Variants in CPNE8 observed in about 807,000 individuals in gnomAD.
CPNE8 encodes copine 8.
CPNE8 carries 45 observed loss-of-function variants against 81.5 expected under a neutral mutation model. The ratio of observed to expected loss-of-function variants is 0.55; its 90% CI spans 0.44 to 0.71. CPNE8 has a LOEUF of 0.71. Among genes scored for constraint, CPNE8 ranks in the 30% least tolerant of loss-of-function variants. The pLI is 0.00. For missense variants in CPNE8, 594 were observed against 672.1 expected, an observed-to-expected ratio of 0.88 and a Z score of 1.28; for synonymous variants, 252 against 226.3, an observed-to-expected ratio of 1.11 and a Z score of -1.02.
intron 19 of CPNE8, among the ~76,000 whole-genome samples, chr12:38,659,654 G>C (rs929912696): frequency 1.3e-5 from 2 of 152,062 alleles, no homozygotes; most frequent in African/African-American, 4.8e-5. Flanking sequence ...GAAGTAAAGC[G>C]CTCCTCAGCA....
intron 1 of CPNE8, among the ~76,000 whole-genome samples, chr12:38,896,270 C>T (rs966996513): frequency 1.3e-5 from 2 of 152,054 alleles, no homozygotes; most frequent in Admixed American, 1.3e-4. Flanking sequence ...CAACATTATT[C>T]TTCACAGAAT....
At chr12:38,845,077 C>A (rs1030405460) in intron 4 of CPNE8, among the ~76,000 whole-genome samples, 1 of 152,004 alleles carries the variant, frequency 6.6e-6, no homozygotes, top group African/African-American at 2.4e-5. Context: ...ACTTGGGAGT[C>A]ACAAACACCT....
intron 6 of CPNE8, among the ~76,000 whole-genome samples, chr12:38,789,820 T>C (rs767129411): frequency 1.3e-5 from 2 of 151,604 alleles, no homozygotes; most frequent in East Asian, 1.9e-4. Context: ...AAAGAAGACA[T>C]AAAAATGGCA....
At chr12:38,706,475 TA>T (rs900658138) in intron 13 of CPNE8, among the ~76,000 whole-genome samples, 2 of 152,230 alleles carry the variant, frequency 1.3e-5, no homozygotes, top group South Asian at 2.1e-4. Context: ...TTCTTAATGA[TA>T]AAAAAATCTG....
chr12:38,807,049 G>T (rs1237972928), intron 6 of CPNE8, among the ~76,000 whole-genome samples: 1 of 152,108 alleles, frequency 6.6e-6, no homozygotes, highest in Admixed American at 6.6e-5. Flanking sequence ...TACAAGGGAT[G>T]TGAAGGACCT....
intron 4 of CPNE8, among the ~76,000 whole-genome samples, chr12:38,845,125 C>T (rs1007536995): frequency 2.6e-5 from 4 of 152,134 alleles, no homozygotes; most frequent in South Asian, 2.1e-4. Context: ...TCCAAAACCT[C>T]AAGGACCTGC....
chr12:38,773,355 G>A (rs2136883069), intron 7 of CPNE8, among the ~76,000 whole-genome samples: 1 of 152,122 alleles, frequency 6.6e-6, no homozygotes, highest in South Asian at 2.1e-4. Context: ...AGCAGGGTAG[G>A]GGGAACCATT....
intron 10 of CPNE8, among the ~76,000 whole-genome samples, chr12:38,758,930 G>T (rs1455513699): frequency 6.6e-6 from 1 of 152,108 alleles, no homozygotes; most frequent in African/African-American, 2.4e-5. Flanking sequence ...GCAAATTTAG[G>T]ATTGAACGTC....
intron 3 of CPNE8, among the ~76,000 whole-genome samples, chr12:38,851,429 C>G (rs1169740795): frequency 6.6e-6 from 1 of 152,232 alleles, no homozygotes; most frequent in Non-Finnish European, 1.5e-5. Flanking sequence ...AATGTTACCA[C>G]TATCCACTTG....
chr12:38,755,733 G>A (rs1203069533), intron 10 of CPNE8, among the ~76,000 whole-genome samples: 1 of 152,090 alleles, frequency 6.6e-6, no homozygotes, highest in African/African-American at 2.4e-5. Context: ...CCTTGTCAAT[G>A]TGTTTCAATA....
chr12:38,827,166 CAAAAAAAAAA>C (rs10574071), intron 6 of CPNE8, among the ~76,000 whole-genome samples: 1 of 93,148 alleles, frequency 1.1e-5, no homozygotes, highest in Non-Finnish European at 2.2e-5. Context: ...GACTCCGTCT[CAAAAAAAAAA>C]AAAAAAAAAA....
intron 3 of CPNE8, among the ~76,000 whole-genome samples, chr12:38,858,971 C>T (rs1384998983): frequency 2.6e-5 from 4 of 152,142 alleles, no homozygotes; most frequent in South Asian, 2.1e-4. Context: ...AAACCATATA[C>T]GTAAAGCCTA....
At chr12:38,761,314 C>T (rs1941566279) in intron 9 of CPNE8, among the ~76,000 whole-genome samples, 2 of 152,142 alleles carry the variant, frequency 1.3e-5, no homozygotes, top group African/African-American at 4.8e-5. Flanking sequence ...GGATTGGGGC[C>T]ACATAATTTG....
chr12:38,676,129 AT>A, intron 17 of CPNE8: 1 of 452,274 alleles, frequency 2.2e-6, no homozygotes. Context: ...AAAAAAAAAA[AT>A]TAAAAAAGAA....
At chr12:38,778,775 G>T (rs983835089) in intron 6 of CPNE8, among the ~76,000 whole-genome samples, 1 of 152,144 alleles carries the variant, frequency 6.6e-6, no homozygotes, top group Admixed American at 6.5e-5. Flanking sequence ...CAATATTCAC[G>T]ACATAAACCT....
At chr12:38,663,166 C>A (rs1938995218) in intron 19 of CPNE8, among the ~76,000 whole-genome samples, 1 of 151,944 alleles carries the variant, frequency 6.6e-6, no homozygotes, top group African/African-American at 2.4e-5. Context: ...ATCTTCTCAA[C>A]AGCAAAGGAA....
At chr12:38,847,982 A>G (rs1943584336) in intron 4 of CPNE8, among the ~76,000 whole-genome samples, 1 of 152,016 alleles carries the variant, frequency 6.6e-6, no homozygotes, top group African/African-American at 2.4e-5. Flanking sequence ...ACTTCTGTGG[A>G]AAAAAAACTC....
At chr12:38,759,438 T>G (rs1270010396) in intron 10 of CPNE8, among the ~76,000 whole-genome samples, 1 of 152,202 alleles carries the variant, frequency 6.6e-6, no homozygotes, top group Non-Finnish European at 1.5e-5. Flanking sequence ...CATAAATCCC[T>G]ATGGAAAAAT....
intron 6 of CPNE8, among the ~76,000 whole-genome samples, chr12:38,782,958 G>A (rs1245364697): frequency 1.3e-5 from 2 of 152,082 alleles, no homozygotes; most frequent in Admixed American, 1.3e-4. Flanking sequence ...GGAATTGCAG[G>A]CATGAGCCAC....
Sources: gnomAD v4.1 joint callset for allele counts (sites outside exome capture counted in the v4.1 genomes callset) on GRCh38, gnomAD v4.1.1 for gene constraint, MANE v1.5 for transcripts, NCBI Gene and HGNC (gene_info 2026-07-23, HGNC 2026-07-21) for gene names.